Variants in DIP2B observed in about 807,000 individuals in gnomAD.
DIP2B encodes disco-interacting protein 2 homolog B.
Under a neutral mutation model 198.0 loss-of-function variants are expected in DIP2B, and 76 were observed. That is an observed-to-expected ratio of 0.38 (90% CI 0.32 to 0.46). DIP2B has a LOEUF of 0.46. DIP2B is among the 20% of genes least tolerant of loss of function. The pLI is 0.99. For synonymous variants in DIP2B, 701 were observed against 739.1 expected (o/e 0.95, Z 0.84); for missense variants, 1,559 against 1,978.4 (o/e 0.79, Z 4.02).
chr12:50,515,913 G>GAATGTCC (rs1161499006), intron 1 of DIP2B, among the ~76,000 whole-genome samples: 1 of 152,008 alleles, frequency 6.6e-6, no homozygotes, highest in African/African-American at 2.4e-5. Context: ...CTGTATTTCA[G>GAATGTCC]AATGTCCACT....
intron 30 of DIP2B, 52 bp downstream of exon 30, chr12:50,728,730 C>T: frequency 6.3e-7 from 1 of 1,583,206 alleles, no homozygotes; most frequent in Non-Finnish European, 8.6e-7. Context: ...TACTTTGTGG[C>T]CATGGCCATC....
intron 1 of DIP2B, among the ~76,000 whole-genome samples, chr12:50,531,106 C>T (rs1049629301): frequency 5.3e-5 from 8 of 152,104 alleles, no homozygotes; most frequent in Non-Finnish European, 1.2e-4. Context: ...AGTGCGGTGG[C>T]GCAATCTCAG....
At position 50,741,534 on chromosome 12, in the gene DIP2B, TGAATGGTA is replaced by T; in HGVS notation, c.4474_4478+3del. ...TGTCCCGGATCCACAGAAGCATTGC[TGAATGGTA>T]ACTCCCTCAGCATACACTGTGCTTC... is the stretch of plus-strand genomic sequence containing the variant. On this transcript the variant is annotated splice_donor_variant and splice_donor_region_variant and coding_sequence_variant and intron_variant, in exon 37 of 38. Coordinates refer to ENST00000301180, the MANE Select transcript of DIP2B (RefSeq NM_173602.3). LOFTEE classifies it high-confidence loss of function. The T allele has an allele frequency of 6.2e-7, 1 of 1,613,106 alleles. No homozygotes were observed. The highest frequency in any genetic ancestry group is 8.5e-7 in the Non-Finnish European group (1 of 1,179,442).
chr12:50,593,004 A>G (rs1271044241), intron 1 of DIP2B, among the ~76,000 whole-genome samples: 1 of 152,196 alleles, frequency 6.6e-6, no homozygotes, highest in African/African-American at 2.4e-5. Flanking sequence ...AGTCCTTGCC[A>G]TTAGACCTAT....
intron 1 of DIP2B, among the ~76,000 whole-genome samples, chr12:50,609,554 T>C (rs867443333): frequency 2.0e-5 from 3 of 152,134 alleles, no homozygotes; most frequent in Non-Finnish European, 4.4e-5. Context: ...ATTTCACCCA[T>C]TGGGAAGGGA....
chr12:50,678,851 G>A lies in DIP2B; in HGVS notation c.1089G>A (p.Gly363=), dbSNP rs755144207. 1.2e-6 allele frequency: 2 copies of A among 1,614,204 alleles called. No individual in the cohort carries two copies. The highest frequency in any genetic ancestry group is 1.7e-6 in the Non-Finnish European group (2 of 1,180,032). ...GTCTGACTGCACTGGACATGACAGG[G>A]AAACCAGTTTACACTCTTACATATG... ...CSCLTALDMT[G]KPVYTLTYGK... Residue 363 remains glycine, a synonymous_variant, in exon 8 of 38, where the codon GGG becomes GGA. Coordinates refer to ENST00000301180, the MANE Select transcript of DIP2B (RefSeq NM_173602.3).
At chr12:50,731,736 A>G (rs535005849) in intron 31 of DIP2B, among the ~76,000 whole-genome samples, 199 bp downstream of exon 31, 1 of 152,354 alleles carries the variant, frequency 6.6e-6, no homozygotes, top group African/African-American at 2.4e-5. Context: ...CCACAGTTTA[A>G]TATGATTCTT....
chr12:50,649,450 A>G (rs1308083414), intron 3 of DIP2B, among the ~76,000 whole-genome samples: 1 of 152,252 alleles, frequency 6.6e-6, no homozygotes, highest in Non-Finnish European at 1.5e-5. Context: ...CTGGGAATTT[A>G]GTATACAATA....
In DIP2B at chr12:50,674,499, C is replaced by T; in HGVS notation, c.666C>T (p.Val222=). 6.2e-7 allele frequency: 1 copy of T among 1,614,218 alleles called. No homozygotes were observed. Among genetic ancestry groups the T allele is most frequent in the Non-Finnish European group, 8.5e-7 (1 of 1,180,024 alleles). The change falls in exon 6 of 38, where the codon GTC becomes GTT. Residue 222 remains valine, a synonymous_variant. Transcript: ENST00000301180. ...RIENFSAPPD[V]TTTTSSSSSS... is the part of the protein sequence containing the mutation. The stretch of plus-strand genomic sequence containing the variant: ...AGAATTTCTCTGCTCCTCCTGATGT[C>T]ACTACAACTACCTCTTCCTCCTCAT...
intron 31 of DIP2B, among the ~76,000 whole-genome samples, chr12:50,731,919 G>A (rs970643465): frequency 2.6e-5 from 4 of 152,206 alleles, no homozygotes; most frequent in Non-Finnish European, 5.9e-5. Flanking sequence ...TGATTCATGT[G>A]TGTGTCAAAT....
At chr12:50,671,065 C>T in intron 4 of DIP2B, 121 bp from the exon 5 acceptor site, 1 of 903,070 alleles carries the variant, frequency 1.1e-6, no homozygotes, top group Non-Finnish European at 1.6e-6. Context: ...ACATATTAAT[C>T]TACCTTAAGA....
chr12:50,674,409 C>A, intron 5 of DIP2B, 65 bp from the exon 6 acceptor site: 1 of 1,579,444 alleles, frequency 6.3e-7, no homozygotes, highest in South Asian at 1.1e-5. Flanking sequence ...AAACAAAACC[C>A]CAAAGATTTG....
chr12:50,512,439 A>G (rs1958026809), intron 1 of DIP2B, among the ~76,000 whole-genome samples: 1 of 152,066 alleles, frequency 6.6e-6, no homozygotes, highest in East Asian at 1.9e-4. Context: ...GGTCCTTTGT[A>G]TCTGAAATTT....
chr12:50,671,876 A>G (rs1482492517), intron 5 of DIP2B, among the ~76,000 whole-genome samples: 1 of 152,228 alleles, frequency 6.6e-6, no homozygotes, highest in Admixed American at 6.5e-5. Context: ...TGATATTGCT[A>G]CACTGGAGTG....
At chr12:50,670,812 G>A (rs947379407) in intron 4 of DIP2B, among the ~76,000 whole-genome samples, 8 of 152,146 alleles carry the variant, frequency 5.3e-5, no homozygotes, top group African/African-American at 1.9e-4. Context: ...AATCAATGTA[G>A]CAACATACCA....
At chr12:50,673,585 G>A (rs756914775) in intron 5 of DIP2B, among the ~76,000 whole-genome samples, 7 of 152,056 alleles carry the variant, frequency 4.6e-5, no homozygotes, top group Admixed American at 6.6e-5. Context: ...CCAGGAGTTC[G>A]AGACCAGCCT....
At chr12:50,668,239 A>G (rs753013160) in intron 4 of DIP2B, among the ~76,000 whole-genome samples, 5 of 152,194 alleles carry the variant, frequency 3.3e-5, no homozygotes, top group Non-Finnish European at 5.9e-5. Flanking sequence ...TCTCAGTCCC[A>G]TAAGAATAGG....
At chr12:50,721,083 A>G (rs1939827731) in intron 25 of DIP2B, among the ~76,000 whole-genome samples, 190 bp from the exon 26 acceptor site, 2 of 152,168 alleles carry the variant, frequency 1.3e-5, no homozygotes, top group Admixed American at 1.3e-4. Flanking sequence ...TGCTAGCGTT[A>G]CAGGTTTGAG....
At chr12:50,673,995 G>C (rs1024246798) in intron 5 of DIP2B, among the ~76,000 whole-genome samples, 1 of 152,106 alleles carries the variant, frequency 6.6e-6, no homozygotes, top group Admixed American at 6.5e-5. Flanking sequence ...AACTTGTGCA[G>C]CCTGACCCAC....
Sources: allele counts gnomAD v4.1 joint callset (sites outside exome capture counted in the v4.1 genomes callset), GRCh38; gene constraint gnomAD v4.1.1; transcripts MANE v1.5; gene names NCBI Gene and HGNC (gene_info 2026-07-23, HGNC 2026-07-21).